Variants in DCX observed in about 807,000 individuals in gnomAD.
DCX encodes doublecortin, also known as neuronal migration protein doublecortin.
Under a neutral mutation model 20.9 loss-of-function variants are expected in DCX, and 4 were observed. That is an observed-to-expected ratio of 0.19 (90% CI 0.09 to 0.44). The LOEUF (loss-of-function observed/expected upper bound fraction) is 0.44, where lower values mean the gene tolerates loss of function less well. Ranked by LOEUF, DCX falls within the 20% of genes least tolerant of loss-of-function variation. The probability of loss-of-function intolerance (pLI) is 0.99; values close to 1 mark genes in which losing one functional copy is unlikely to be tolerated. For synonymous variants in DCX, 103 were observed against 111.4 expected, an observed-to-expected ratio of 0.92 and a Z score of 0.47; for missense variants, 133 against 296.9, an observed-to-expected ratio of 0.45 and a Z score of 4.06.
intron 3 of DCX, among the ~76,000 whole-genome samples, chrX:111,388,916 T>C (rs908907300): frequency 2.7e-5 from 3 of 111,939 alleles, no homozygotes; most frequent in Admixed American, 9.5e-5. Context: ...ATGACATAAG[T>C]AAGTTACATG....
intron 3 of DCX, among the ~76,000 whole-genome samples, chrX:111,358,232 G>A (rs1393796892): frequency 8.9e-6 from 1 of 112,311 alleles, no homozygotes; most frequent in African/African-American, 3.2e-5. Context: ...TACATTGATA[G>A]AAGCATTGTG....
At chrX:111,324,298 C>T (rs747620433) in intron 5 of DCX, among the ~76,000 whole-genome samples, 2 of 111,427 alleles carry the variant, frequency 1.8e-5, no homozygotes, top group Non-Finnish European at 3.8e-5. Flanking sequence ...TACATATAGC[C>T]CTTCTTCAAG....
chrX:111,331,964 A>G (rs1281730912), intron 4 of DCX, among the ~76,000 whole-genome samples: 1 of 112,625 alleles, frequency 8.9e-6, no homozygotes, highest in Non-Finnish European at 1.9e-5. Flanking sequence ...AGTTTTTCCA[A>G]CCTTGTGCTG....
intron 6 of DCX, among the ~76,000 whole-genome samples, chrX:111,308,149 A>G (rs1340205044): frequency 4.4e-5 from 5 of 112,497 alleles, no homozygotes; most frequent in Non-Finnish European, 9.4e-5. Context: ...ACAGAAACAC[A>G]CATATTGCTT....
rs1479947726 is a variant in DCX, at chrX:111,403,741, T to C, written c.365-2411A>G. Among the ~76,000 whole-genome samples, 9 of 111,947 alleles carry C rather than the reference T, an allele frequency of 8.0e-5. No homozygotes were observed. In the South Asian group the frequency reaches 3.0e-3, roughly 37 times the overall value. On this transcript the variant is annotated intron_variant, in intron 2 of 6. Coordinates refer to ENST00000636035, the MANE Select transcript of DCX (RefSeq NM_001195553.2). ...TTGTTGTGGGGCACAAATCAGATGA[T>C]GGATAAAAAGTGTTCAACCCATGGC...
intron 3 of DCX, among the ~76,000 whole-genome samples, chrX:111,395,103 T>C (rs2147254218): frequency 9.0e-6 from 1 of 110,733 alleles, no homozygotes; most frequent in Admixed American, 9.6e-5. Context: ...TTCAGAAGAG[T>C]GAAAACATGT....
chrX:111,352,158 G>A (rs756638519), intron 3 of DCX, among the ~76,000 whole-genome samples: 8 of 111,888 alleles, frequency 7.2e-5, no homozygotes, highest in Admixed American at 3.8e-4. Flanking sequence ...AAGACATAGA[G>A]GCCTGGAATG....
chrX:111,324,709 A>G (rs2095095477), intron 5 of DCX, among the ~76,000 whole-genome samples: 1 of 112,332 alleles, frequency 8.9e-6, no homozygotes, highest in Admixed American at 9.4e-5. Flanking sequence ...ATTTGTAAAT[A>G]TATTTTTAAA....
Position 111,296,755 on chromosome X carries a change from G to A in DCX, c.*4932C>T, listed in dbSNP as rs1458797385. ...TGCACTCCAGCCTAGGTGACAGAGGGAGACTCAGTCAAAAAAAAAAAAAAA... is the reference window on the plus strand; with the variant it reads ...TGCACTCCAGCCTAGGTGACAGAGGAAGACTCAGTCAAAAAAAAAAAAAAA... On this transcript the variant is annotated 3_prime_UTR_variant, in exon 7 of 7. Transcript: ENST00000636035. The A allele has an allele frequency of 2.0e-5, 2 of 97,991 alleles. No homozygotes were observed. Among genetic ancestry groups the A allele is most frequent in the African/African-American group, 8.0e-5 (2 of 24,881 alleles). The allele number at this position is 97,991 out of a possible 1,213,427, so 8.1% of individuals were successfully genotyped here. A position where few individuals can be genotyped will look rare whatever the true frequency, so the allele number is the denominator to read the frequency against.
intron 5 of DCX, among the ~76,000 whole-genome samples, chrX:111,316,090 A>AAATAAATAAAT (rs1569486381): frequency 5.9e-4 from 49 of 82,818 alleles, no homozygotes; most frequent in African/African-American, 4.4e-3. Context: ...AAAAAATAAA[A>AAATAAATAAAT]AAAAAAAAAA....
intron 3 of DCX, among the ~76,000 whole-genome samples, chrX:111,346,089 T>C (rs1448043998): frequency 9.0e-6 from 1 of 111,105 alleles, no homozygotes; most frequent in Non-Finnish European, 1.9e-5. Context: ...CATGGGTTTT[T>C]TTTTTTCTTG....
intron 3 of DCX, among the ~76,000 whole-genome samples, chrX:111,338,581 C>CTTT (rs758262346): frequency 3.1e-5 from 3 of 96,004 alleles, no homozygotes; most frequent in African/African-American, 1.1e-4. Flanking sequence ...ACAATCCTGA[C>CTTT]TTTTTTTTTT....
chrX:111,296,589 C>T lies in DCX; in HGVS notation c.*5098G>A, dbSNP rs1213990925. 1 of 109,718 alleles carries T rather than the reference C, an allele frequency of 9.1e-6. No homozygotes were observed. Among genetic ancestry groups the T allele is most frequent in the African/African-American group, 3.3e-5 (1 of 30,061 alleles). 9.0% of individuals were successfully genotyped at this position (109,718 alleles called of 1,213,427 possible). A position where few individuals can be genotyped will look rare whatever the true frequency, so the allele number is the denominator to read the frequency against. On this transcript the variant is annotated 3_prime_UTR_variant, in exon 7 of 7. Transcript: ENST00000636035. ...CCAACATGGTGAAACCCCATCTCTA[C>T]TAAAAATAATAATAATAAAAAAATA...
chrX:111,356,596 C>A (rs1923754186), intron 3 of DCX, among the ~76,000 whole-genome samples: 3 of 111,727 alleles, frequency 2.7e-5, no homozygotes, highest in African/African-American at 9.8e-5. Context: ...AAATGGGGTT[C>A]AATAGTTGAA....
chrX:111,312,750 A>G lies in DCX; in HGVS notation c.947-14T>C, dbSNP rs2095060440. On this transcript the variant is annotated splice_polypyrimidine_tract_variant and intron_variant, in intron 5 of 6. Transcript: ENST00000636035. ...AGGTTCCGTTTGCTAGCCCAAAGCA[A>G]GAGAAAAGGAAGGGATAAAAATCAA... The G allele has an allele frequency of 1.7e-6, 2 of 1,205,857 alleles. No homozygotes were observed. The highest frequency in any genetic ancestry group is 5.9e-5 in the East Asian group (2 of 33,808).
rs371456453 is a variant in DCX at position 111,377,189 on chromosome X, A to G, written c.705+23801T>C. Among the ~76,000 whole-genome samples, 14 of 111,827 alleles carry G rather than the reference A, an allele frequency of 1.3e-4. No homozygotes were observed. In the South Asian group the frequency reaches 2.6e-3, roughly 21 times the overall value. ...GGCTGTGATTTGAAGAGCTGCAAAA[A>G]ATCAGCAGCAGCTAAACTGGTACCC... On this transcript the variant is annotated intron_variant, in intron 3 of 6. Coordinates refer to ENST00000636035, the MANE Select transcript of DCX (RefSeq NM_001195553.2).
intron 3 of DCX, among the ~76,000 whole-genome samples, chrX:111,374,946 T>A (rs2147716731): frequency 9.6e-6 from 1 of 104,706 alleles, no homozygotes; most frequent in African/African-American, 3.5e-5. Context: ...AGGAAGAAAT[T>A]ATTGACACAT....
intron 3 of DCX, among the ~76,000 whole-genome samples, chrX:111,340,864 C>T (rs748387686): frequency 3.5e-4 from 39 of 111,278 alleles, no homozygotes; most frequent in African/African-American, 1.3e-3. Context: ...AGAGCCCCCA[C>T]AAAAACCCCA....
chrX:111,365,373 T>C (rs1924541187), intron 3 of DCX, among the ~76,000 whole-genome samples: 1 of 110,093 alleles, frequency 9.1e-6, no homozygotes, highest in Non-Finnish European at 1.9e-5. Context: ...ACATAGTAGG[T>C]GTATATATTT....
Sources: allele counts gnomAD v4.1 joint callset (sites outside exome capture counted in the v4.1 genomes callset), GRCh38; gene constraint gnomAD v4.1.1; transcripts MANE v1.5; gene names NCBI Gene and HGNC (gene_info 2026-07-23, HGNC 2026-07-21).